MYO5B: variants seen among roughly 807,000 people sequenced by gnomAD.
MYO5B encodes the protein myosin VB.
In MYO5B, 143 loss-of-function variants were observed where a neutral mutation model predicts 229.3. The ratio of observed to expected loss-of-function variants is 0.62; its 90% CI spans 0.54 to 0.72. The LOEUF (loss-of-function observed/expected upper bound fraction) is 0.72, where lower values mean the gene tolerates loss of function less well. Among genes scored for constraint, MYO5B ranks in the 30% least tolerant of loss-of-function variants. The pLI, the probability that MYO5B is intolerant of heterozygous loss-of-function variation, is 0.00. For missense variants in MYO5B, 2,321 were observed against 2,331.0 expected, an observed-to-expected ratio of 1.00 and a Z score of 0.09; for synonymous variants, 918 against 885.2, an observed-to-expected ratio of 1.04 and a Z score of -0.66.
intron 14 of MYO5B, among the ~76,000 whole-genome samples, chr18:49,939,105 C>G (rs2025283538): frequency 6.7e-6 from 1 of 150,196 alleles, no homozygotes; most frequent in South Asian, 2.1e-4. Context: ...AGTTTTATTA[C>G]TTTTACTAGG....
At chr18:50,144,617 A>G (rs574350747) in intron 1 of MYO5B, among the ~76,000 whole-genome samples, 2 of 152,354 alleles carry the variant, frequency 1.3e-5, no homozygotes, top group East Asian at 3.9e-4. Flanking sequence ...AACCCCCAAA[A>G]GACCTTAGGG....
intron 4 of MYO5B, among the ~76,000 whole-genome samples, chr18:50,030,876 G>GAAAAAAAAAAAAAAAAAAAAAA (rs869189090): frequency 3.3e-4 from 10 of 30,500 alleles, no homozygotes; most frequent in Admixed American, 1.1e-3. Flanking sequence ...CTCCCTTTCA[G>GAAAAAAAAAAAAAAAAAAAAAA]AAAAAAAAAA....
chr18:50,033,673 C>G (rs1389798125), intron 4 of MYO5B, among the ~76,000 whole-genome samples: 1 of 152,136 alleles, frequency 6.6e-6, no homozygotes, highest in Non-Finnish European at 1.5e-5. Context: ...AGAAAGCACA[C>G]AGCTAAGAAG....
chr18:49,871,226 G>A (rs2024452630), intron 27 of MYO5B, among the ~76,000 whole-genome samples: 1 of 152,202 alleles, frequency 6.6e-6, no homozygotes, highest in Non-Finnish European at 1.5e-5. Context: ...ACCTAGAATT[G>A]TCTAATGCAG....
intron 1 of MYO5B, among the ~76,000 whole-genome samples, chr18:50,091,714 C>T (rs963290281): frequency 6.6e-6 from 1 of 152,150 alleles, no homozygotes; most frequent in African/African-American, 2.4e-5. Context: ...ACCACCACAC[C>T]CTGTTACATG....
chr18:50,052,413 G>C (rs1298838077), intron 2 of MYO5B, among the ~76,000 whole-genome samples: 16 of 148,994 alleles, frequency 1.1e-4, no homozygotes, highest in Admixed American at 1.1e-3. Flanking sequence ...TAGGGACATG[G>C]ATGAAATTGG....
At position 50,007,483 on chromosome 18, in the gene MYO5B, C is replaced by T. The variant is rs549261590; in HGVS notation, c.456-6072G>A. On this transcript the variant is annotated intron_variant, in intron 4 of 39. Transcript: ENST00000285039. ...AAACTTTCTGAAAATGAACATCGGA[C>T]CATTCTTCTCCCTTGCTTTAAGCCT... Among the ~76,000 whole-genome samples, 384 of 152,308 alleles carry T rather than the reference C, an allele frequency of 2.5e-3. 2 individuals are homozygous for T. Among genetic ancestry groups the T allele is most frequent in the Non-Finnish European group, 4.5e-3 (305 of 68,034 alleles).
chr18:50,051,790 G>A (rs952304521), intron 2 of MYO5B, among the ~76,000 whole-genome samples: 6 of 152,230 alleles, frequency 3.9e-5, no homozygotes, highest in African/African-American at 1.4e-4. Context: ...GACAAATACT[G>A]TATGATTCCA....
chr18:49,902,543 G>C lies in MYO5B; in HGVS notation c.2811+51C>G, dbSNP rs748646099. The C allele has an allele frequency of 2.7e-5, 44 of 1,601,416 alleles. No individual in the cohort carries two copies. In the South Asian group the frequency reaches 4.8e-4, roughly 18 times the overall value. ...AGGAAGCTGTGGGCTCTCTCAAAAT[G>C]CTCCAGTACCCAAGCCCCCGACACC... is the stretch of plus-strand genomic sequence containing the variant. On this transcript the variant is annotated intron_variant, in intron 21 of 39. Coordinates refer to ENST00000285039, the MANE Select transcript of MYO5B (RefSeq NM_001080467.3).
At chr18:49,902,418 G>A (rs1422208737) in intron 21 of MYO5B, among the ~76,000 whole-genome samples, 176 bp downstream of exon 21, 1 of 152,196 alleles carries the variant, frequency 6.6e-6, no homozygotes, top group Non-Finnish European at 1.5e-5. Flanking sequence ...CAGGGCTGAG[G>A]GTATCTTTAG....
intron 4 of MYO5B, among the ~76,000 whole-genome samples, chr18:50,010,663 C>G (rs563311379): frequency 3.2e-4 from 48 of 152,294 alleles, no homozygotes; most frequent in African/African-American, 9.6e-4. Flanking sequence ...TGAAAGTGAG[C>G]AACAGAGGCA....
intron 1 of MYO5B, among the ~76,000 whole-genome samples, chr18:50,163,230 A>C (rs2032796114): frequency 1.3e-5 from 2 of 152,104 alleles, no homozygotes; most frequent in African/African-American, 4.8e-5. Flanking sequence ...CTGCCACCTC[A>C]TCACTCTCCA....
At chr18:49,951,380 C>T (rs2025429483) in intron 14 of MYO5B, among the ~76,000 whole-genome samples, 1 of 152,126 alleles carries the variant, frequency 6.6e-6, no homozygotes, top group Non-Finnish European at 1.5e-5. Context: ...TCTTCTTGAC[C>T]TTCTTAGCGT....
chr18:50,015,814 C>G (rs1471889878), intron 4 of MYO5B, among the ~76,000 whole-genome samples: 1 of 152,174 alleles, frequency 6.6e-6, no homozygotes, highest in East Asian at 1.9e-4. Flanking sequence ...GTAAGCAGCA[C>G]GTCCTGCCTG....
chr18:50,173,528 G>A (rs897097855), intron 1 of MYO5B, among the ~76,000 whole-genome samples: 7 of 152,196 alleles, frequency 4.6e-5, no homozygotes, highest in Admixed American at 2.6e-4. Context: ...AAGGGAAGAT[G>A]AAGGGAGTCA....
intron 17 of MYO5B, among the ~76,000 whole-genome samples, chr18:49,912,572 T>A (rs934038202): frequency 6.6e-6 from 1 of 152,188 alleles, no homozygotes; most frequent in Non-Finnish European, 1.5e-5. Context: ...CCCATACTGT[T>A]CTGGTGGTAG....
chr18:50,161,491 T>G (rs1296614622), intron 1 of MYO5B, among the ~76,000 whole-genome samples: 1 of 126,754 alleles, frequency 7.9e-6, no homozygotes, highest in African/African-American at 3.1e-5. Context: ...TGAAGGAATT[T>G]AGAGGAAATG....
At chr18:49,920,001 A>C (rs1427447771) in intron 17 of MYO5B, among the ~76,000 whole-genome samples, 2 of 152,210 alleles carry the variant, frequency 1.3e-5, no homozygotes, top group East Asian at 1.9e-4. Context: ...TAAACTACTG[A>C]CGGTTGCTGC....
chr18:49,856,222 C>T (rs544880516), intron 30 of MYO5B, among the ~76,000 whole-genome samples: 11 of 152,314 alleles, frequency 7.2e-5, no homozygotes, highest in Admixed American at 2.6e-4. Flanking sequence ...TTAAACCCTC[C>T]GGGCTTCAGT....
Sources: gnomAD v4.1 joint callset for allele counts (sites outside exome capture counted in the v4.1 genomes callset) on GRCh38, gnomAD v4.1.1 for gene constraint, MANE v1.5 for transcripts, NCBI Gene and HGNC (gene_info 2026-07-23, HGNC 2026-07-21) for gene names.